The following AFAP1L1 variants were observed in gnomAD, a reference collection of about 807,000 sequenced individuals.
AFAP1L1 encodes the protein actin filament associated protein 1 like 1, also known as actin filament-associated protein 1-like 1.
Under a neutral mutation model 99.8 loss-of-function variants are expected in AFAP1L1, and 77 were observed. That is an observed-to-expected ratio of 0.77 (90% CI 0.64 to 0.93). AFAP1L1 has a LOEUF of 0.93. AFAP1L1 is among the 40% of genes least tolerant of loss of function. The pLI is 0.00. For synonymous variants in AFAP1L1, 373 were observed against 395.3 expected (o/e 0.94, Z 0.67); for missense variants, 893 against 996.8 (o/e 0.90, Z 1.40).
chr5:149,295,508 C>G (rs886121099), intron 1 of AFAP1L1, among the ~76,000 whole-genome samples: 1 of 123,832 alleles, frequency 8.1e-6, no homozygotes, highest in Admixed American at 9.0e-5. Flanking sequence ...TTGCTGGAAC[C>G]TCACAGCAAA....
At position 149,316,321 on chromosome 5, in the gene AFAP1L1, G is replaced by A. The variant is rs780736714; in HGVS notation, c.1267+18G>A. 3 of 1,609,986 alleles carry A rather than the reference G, an allele frequency of 1.9e-6. No homozygotes were observed. Among genetic ancestry groups the A allele is most frequent in the African/African-American group, 1.3e-5 (1 of 74,836 alleles). On this transcript the variant is annotated intron_variant, in intron 11 of 18. Coordinates refer to ENST00000296721, the MANE Select transcript of AFAP1L1 (RefSeq NM_152406.4). ...CTGCTGTGGTGGGTCCAGGGCACGG[G>A]GAGGAAGGGTGCTCAGGTCCTGTGT... is the stretch of plus-strand genomic sequence containing the variant.
intron 1 of AFAP1L1, among the ~76,000 whole-genome samples, chr5:149,277,697 AC>A (rs138382228): frequency 0.079 from 12,011 of 152,224 alleles, 1,137 homozygotes; most frequent in African/African-American, 0.23. Context: ...CAGAGAATGG[AC>A]AAATTTGAGT....
chr5:149,295,781 C>T lies in AFAP1L1; in HGVS notation c.17-3728C>T, dbSNP rs545249654. ...GAGGGAGTTGCCTGGGGGCAGTCCC[C>T]AAGATGTTTTCAGGGGGTTTGTAAG... On this transcript the variant is annotated intron_variant, in intron 1 of 18. Coordinates refer to ENST00000296721, the MANE Select transcript of AFAP1L1 (RefSeq NM_152406.4). Among the ~76,000 whole-genome samples the T allele has an allele frequency of 2.6e-5, 4 of 152,252 alleles. No homozygotes were observed. The South Asian group carries it at 8.3e-4, about 31-fold the overall frequency.
In AFAP1L1 at chr5:149,306,323, C is replaced by T. The variant is rs570732464; in HGVS notation, c.454C>T (p.His152Tyr). ...ISSHNGCSPSHSIVDGYYEDA... is the reference protein window; with the variant it reads ...ISSHNGCSPSYSIVDGYYEDA... ...ACCCACAGATGGCTGCAGCCCCTCA[C>T]ACTCGATTGTGGATGGCTACTATGA... The change falls in exon 6 of 19, where the codon CAC becomes TAC. Residue 152 changes from histidine (H) to tyrosine (Y), a missense_variant. Transcript: ENST00000296721. 37 of 1,613,376 alleles carry T rather than the reference C, an allele frequency of 2.3e-5. No homozygotes were observed. In the South Asian group the frequency reaches 3.6e-4, roughly 16 times the overall value.
chr5:149,311,687 C>T (rs1161529117), intron 8 of AFAP1L1, among the ~76,000 whole-genome samples: 1 of 152,176 alleles, frequency 6.6e-6, no homozygotes, highest in Non-Finnish European at 1.5e-5. Flanking sequence ...TAAAGGTGCA[C>T]ATGGTCACAG....
At chr5:149,317,234 T>A (rs1458137787) in intron 11 of AFAP1L1, among the ~76,000 whole-genome samples, 1 of 152,180 alleles carries the variant, frequency 6.6e-6, no homozygotes, top group Non-Finnish European at 1.5e-5. Context: ...CAGAGTGCGT[T>A]ATGGTAAAAA....
At chr5:149,304,462 A>G (rs1297855888) in intron 5 of AFAP1L1, 1 of 152,312 alleles carries the variant, frequency 6.6e-6, no homozygotes, top group Non-Finnish European at 1.5e-5. Flanking sequence ...TCCCAGGTCA[A>G]GCCTATTGGC....
rs966887604 is a variant in AFAP1L1, at chr5:149,342,711, A to C, written c.*2681A>C. Reference sequence around the variant, plus strand: ...TGGATCACTTGAGGTCAGGAGTTCAAGACCAGCCTGGCCAACATGGCAAAA... The same window carrying C: ...TGGATCACTTGAGGTCAGGAGTTCACGACCAGCCTGGCCAACATGGCAAAA... On this transcript the variant is annotated 3_prime_UTR_variant, in exon 19 of 19. Transcript: ENST00000296721. 5.3e-5 allele frequency among the ~76,000 whole-genome samples: 8 copies of C among 152,338 alleles called. No homozygotes were observed. The highest frequency in any genetic ancestry group is 7.4e-5 in the Non-Finnish European group (5 of 68,024).
chr5:149,289,994 G>T (rs1406692788), intron 1 of AFAP1L1, among the ~76,000 whole-genome samples: 4 of 152,240 alleles, frequency 2.6e-5, no homozygotes, highest in Admixed American at 2.0e-4. Context: ...AGCACTTTGG[G>T]AGGCCGAGGC....
chr5:149,299,259 G>T (rs1756110577), intron 1 of AFAP1L1, among the ~76,000 whole-genome samples: 1 of 152,202 alleles, frequency 6.6e-6, no homozygotes, highest in African/African-American at 2.4e-5. Flanking sequence ...GGGAGGTCCA[G>T]TCCTTGGGCC....
intron 1 of AFAP1L1, 39 bp from the exon 2 acceptor site, chr5:149,299,470 T>A: frequency 3.7e-6 from 6 of 1,611,078 alleles, no homozygotes; most frequent in Non-Finnish European, 5.1e-6. Context: ...GAGCTGTGAC[T>A]GTGCAGCTGT....
intron 10 of AFAP1L1, 81 bp downstream of exon 10, chr5:149,315,995 G>A: frequency 6.3e-7 from 1 of 1,593,960 alleles, no homozygotes; most frequent in Non-Finnish European, 8.6e-7. Flanking sequence ...GGCAGAGCAG[G>A]TTCTGACCAT....
intron 1 of AFAP1L1, among the ~76,000 whole-genome samples, chr5:149,282,718 G>A (rs561495058): frequency 5.9e-5 from 9 of 152,252 alleles, no homozygotes; most frequent in South Asian, 2.1e-4. Context: ...GTCCTTTACC[G>A]AAAAGGTTGG....
intron 5 of AFAP1L1, 119 bp downstream of exon 5, chr5:149,302,645 A>G: frequency 1.1e-6 from 1 of 878,020 alleles, no homozygotes; most frequent in Middle Eastern, 2.5e-4. Context: ...CAACCATGTC[A>G]CCATTGGCTT....
intron 4 of AFAP1L1, among the ~76,000 whole-genome samples, chr5:149,301,652 T>C (rs1756217956): frequency 6.6e-6 from 1 of 152,146 alleles, no homozygotes; most frequent in Non-Finnish European, 1.5e-5. Flanking sequence ...TGTGTAGCCT[T>C]AGGCGAGTCG....
chr5:149,315,799 G>C, intron 9 of AFAP1L1, 22 bp from the exon 10 acceptor site: 1 of 1,611,338 alleles, frequency 6.2e-7, no homozygotes, highest in South Asian at 1.1e-5. Flanking sequence ...TCTGATGAGG[G>C]ACTGCCTGTG....
chr5:149,311,602 CTG>C (rs1228495721), intron 8 of AFAP1L1, among the ~76,000 whole-genome samples: 1 of 152,204 alleles, frequency 6.6e-6, no homozygotes, highest in African/African-American at 2.4e-5. Context: ...ATGCTTATTG[CTG>C]TGTGGCCTTG....
intron 1 of AFAP1L1, among the ~76,000 whole-genome samples, chr5:149,285,531 G>T (rs538180173): frequency 9.7e-4 from 147 of 152,138 alleles, no homozygotes; most frequent in Non-Finnish European, 1.9e-3. Context: ...CAAATCCCAA[G>T]TTTGATGTTG....
In AFAP1L1 at chr5:149,340,162, G is replaced by T; in HGVS notation, c.*132G>T. 3 of 973,382 alleles carry T rather than the reference G, an allele frequency of 3.1e-6. No individual in the cohort carries two copies. Among genetic ancestry groups the T allele is most frequent in the Non-Finnish European group, 4.7e-6 (3 of 641,720 alleles). 60.3% of individuals were successfully genotyped at this position (973,382 alleles called of 1,614,324 possible). ...GTTCTCCAGGGCACCCAAAATACCAGCCTTTATTGTCTGCATGATTTTAGG... is the reference window on the plus strand; with the variant it reads ...GTTCTCCAGGGCACCCAAAATACCATCCTTTATTGTCTGCATGATTTTAGG... On this transcript the variant is annotated 3_prime_UTR_variant, in exon 19 of 19. Transcript: ENST00000296721.
Sources: allele counts gnomAD v4.1 joint callset (sites outside exome capture counted in the v4.1 genomes callset), GRCh38; gene constraint gnomAD v4.1.1; transcripts MANE v1.5; gene names NCBI Gene and HGNC (gene_info 2026-07-23, HGNC 2026-07-21).